PAPSS2: variants seen among roughly 807,000 people sequenced by gnomAD.
PAPSS2 encodes the protein bifunctional 3'-phosphoadenosine 5'-phosphosulfate synthase 2.
In PAPSS2, 61 loss-of-function variants were observed where a neutral mutation model predicts 66.5. The observed-to-expected ratio is 0.92, with a 90% CI of 0.75 to 1.14. The LOEUF is 1.14. PAPSS2 is among the 50% of genes most tolerant of loss of function. PAPSS2 has a pLI of 0.00. For missense variants in PAPSS2, 708 were observed against 789.6 expected, an observed-to-expected ratio of 0.90 and a Z score of 1.24; for synonymous variants, 289 against 287.5, an observed-to-expected ratio of 1.01 and a Z score of -0.05.
At chr10:87,660,804 G>GAAAAAAAA (rs61018901) in intron 1 of PAPSS2, among the ~76,000 whole-genome samples, 2 of 114,106 alleles carry the variant, frequency 1.8e-5, no homozygotes, top group Non-Finnish European at 3.6e-5. Context: ...CCAATAAACT[G>GAAAAAAAA]AAAAAAAAAA....
intron 7 of PAPSS2, among the ~76,000 whole-genome samples, chr10:87,717,693 G>A (rs1853548825): frequency 6.6e-6 from 1 of 152,026 alleles, no homozygotes; most frequent in Admixed American, 6.6e-5. Flanking sequence ...CTCCTGGGTA[G>A]CTGGGACTAC....
chr10:87,682,237 C>A (rs529968159), intron 1 of PAPSS2, among the ~76,000 whole-genome samples: 1 of 152,146 alleles, frequency 6.6e-6, no homozygotes, highest in Non-Finnish European at 1.5e-5. Flanking sequence ...ATAGCCATGC[C>A]GGCTAGGCTA....
At chr10:87,680,667 G>T (rs570736581) in intron 1 of PAPSS2, among the ~76,000 whole-genome samples, 1 of 152,046 alleles carries the variant, frequency 6.6e-6, no homozygotes, top group Admixed American at 6.5e-5. Context: ...TTGTGTGATG[G>T]TATTTCAGGT....
chr10:87,746,141 A>C lies in PAPSS2; in HGVS notation c.*171A>C. On this transcript the variant is annotated 3_prime_UTR_variant, in exon 13 of 13. Transcript: ENST00000456849. Reference sequence around the variant, plus strand: ...AATATATATATATACACACACACATATACATACAAAGTCAAACTGAAGACC... The same window carrying C: ...AATATATATATATACACACACACATCTACATACAAAGTCAAACTGAAGACC... 2.0e-6 allele frequency: 1 copy of C among 505,178 alleles called. No homozygotes were observed. The highest frequency in any genetic ancestry group is 3.4e-6 in the Non-Finnish European group (1 of 296,748). The allele number at this position is 505,178 out of a possible 1,614,324, so 31.3% of individuals were successfully genotyped here. A position where few individuals can be genotyped will look rare whatever the true frequency, so the allele number is the denominator to read the frequency against.
At chr10:87,672,478 G>T (rs545810033) in intron 1 of PAPSS2, among the ~76,000 whole-genome samples, 1 of 152,152 alleles carries the variant, frequency 6.6e-6, no homozygotes, top group Non-Finnish European at 1.5e-5. Context: ...TACCCTTTTT[G>T]TGTGTGTTTA....
At position 87,715,801 on chromosome 10, in the gene PAPSS2, A is replaced by G; in HGVS notation, c.823A>G (p.Lys275Glu). The G allele has an allele frequency of 6.2e-7, 1 of 1,612,992 alleles. No individual in the cohort carries two copies. The highest frequency in any genetic ancestry group is 8.5e-7 in the Non-Finnish European group (1 of 1,179,050). Reference sequence around the variant, plus strand: ...TCCCCTCAAAGGTTTCATGCGGGAGAAGGAGTACTTACAGGTTATGCACTT... The same window carrying G: ...TCCCCTCAAAGGTTTCATGCGGGAGGAGGAGTACTTACAGGTTATGCACTT... ...ATPLKGFMRE[K>E]EYLQVMHFDT... The change falls in exon 7 of 13, where the codon AAG becomes GAG. Residue 275 changes from lysine to glutamate, a missense_variant. Transcript: ENST00000456849.
At chr10:87,736,541 C>T (rs1473118974) in intron 9 of PAPSS2, among the ~76,000 whole-genome samples, 1 of 152,128 alleles carries the variant, frequency 6.6e-6, no homozygotes, top group Non-Finnish European at 1.5e-5. Flanking sequence ...ACTGGGATTA[C>T]AGGAGTGAGC....
intron 1 of PAPSS2, among the ~76,000 whole-genome samples, chr10:87,665,591 A>G (rs1852806366): frequency 6.6e-6 from 1 of 152,142 alleles, no homozygotes; most frequent in African/African-American, 2.4e-5. Flanking sequence ...TGTGAATACA[A>G]CTTCCCAGGG....
intron 9 of PAPSS2, among the ~76,000 whole-genome samples, chr10:87,732,723 A>G (rs1345336081): frequency 6.6e-6 from 1 of 152,086 alleles, no homozygotes; most frequent in Non-Finnish European, 1.5e-5. Flanking sequence ...GTATGCCTGT[A>G]TTTTTTTCAT....
Position 87,714,973 on chromosome 10 carries a change from G to C in PAPSS2, c.640-12G>C, listed in dbSNP as rs1214294985. 2 of 1,553,790 alleles carry C rather than the reference G, an allele frequency of 1.3e-6. No individual in the cohort carries two copies. Among genetic ancestry groups the C allele is most frequent in the Non-Finnish European group, 8.9e-7 (1 of 1,125,192 alleles). Reference sequence around the variant, plus strand: ...CAGTTTTCAAGTTTTTACCAATGCTGTTTCATTTCAGAACATTGTACCCTA... The same window carrying C: ...CAGTTTTCAAGTTTTTACCAATGCTCTTTCATTTCAGAACATTGTACCCTA... On this transcript the variant is annotated splice_polypyrimidine_tract_variant and intron_variant, in intron 5 of 12. Transcript: ENST00000456849.
intron 1 of PAPSS2, among the ~76,000 whole-genome samples, chr10:87,670,359 T>C (rs1397742358): frequency 4.6e-5 from 7 of 152,224 alleles, no homozygotes; most frequent in African/African-American, 1.7e-4. Context: ...CGCTTAAGGA[T>C]GTTGTCAACC....
At chr10:87,691,622 G>A (rs1284494925) in intron 1 of PAPSS2, among the ~76,000 whole-genome samples, 2 of 152,238 alleles carry the variant, frequency 1.3e-5, no homozygotes, top group East Asian at 3.9e-4. Flanking sequence ...TCTTAAATTA[G>A]GTAAGTTTGG....
intron 1 of PAPSS2, among the ~76,000 whole-genome samples, chr10:87,695,715 G>A (rs895605994): frequency 6.6e-6 from 1 of 152,200 alleles, no homozygotes; most frequent in Non-Finnish European, 1.5e-5. Context: ...AACAGGATGT[G>A]CGGATACATA....
chr10:87,696,286 C>T (rs1853233710), intron 1 of PAPSS2, among the ~76,000 whole-genome samples: 1 of 152,198 alleles, frequency 6.6e-6, no homozygotes, highest in South Asian at 2.1e-4. Context: ...ATTTGCCCTT[C>T]TGTGGAGTTT....
rs1853943040 is a variant in PAPSS2 at position 87,746,533 on chromosome 10, C to T, written c.*563C>T. On this transcript the variant is annotated 3_prime_UTR_variant, in exon 13 of 13. Transcript: ENST00000456849. Reference sequence around the variant, plus strand: ...CATATCTTACGTGTTGAAGACCTGACTGGAGAAACAAAATGTGCAATAACG... The same window carrying T: ...CATATCTTACGTGTTGAAGACCTGATTGGAGAAACAAAATGTGCAATAACG... 1 of 152,126 alleles carries T rather than the reference C, an allele frequency of 6.6e-6. No homozygotes were observed. Among genetic ancestry groups the T allele is most frequent in the African/African-American group, 2.4e-5 (1 of 41,298 alleles). The allele number at this position is 152,126 out of a possible 1,614,324, so 9.4% of individuals were successfully genotyped here. A position where few individuals can be genotyped will look rare whatever the true frequency, so the allele number is the denominator to read the frequency against.
At chr10:87,742,194 C>T (rs558113956) in intron 10 of PAPSS2, among the ~76,000 whole-genome samples, 1 of 152,310 alleles carries the variant, frequency 6.6e-6, no homozygotes, top group Admixed American at 6.5e-5. Context: ...TTAAAATATT[C>T]ACTGATAGAG....
chr10:87,699,298 A>AT (rs1482484089), intron 1 of PAPSS2, among the ~76,000 whole-genome samples: 2 of 152,044 alleles, frequency 1.3e-5, no homozygotes, highest in Admixed American at 1.3e-4. Flanking sequence ...TAACATATAT[A>AT]TTTTTTTGCA....
Position 87,714,175 on chromosome 10 carries a change from G to A in PAPSS2, c.513G>A (p.Glu171=), listed in dbSNP as rs1387154070. 6.2e-7 allele frequency: 1 copy of A among 1,613,220 alleles called. No homozygotes were observed. Among genetic ancestry groups the A allele is most frequent in the Non-Finnish European group, 8.5e-7 (1 of 1,179,844 alleles). ...TCTATAAAAGGGCCAGAGCTGGGGA[G>A]ATTAAAGGTAAGAGAATTGGCTAGT... The part of the protein sequence containing the change: ...KGLYKRARAG[E]IKGFTGIDSD... The change falls in exon 4 of 13, where the codon GAG becomes GAA. Residue 171 remains glutamate (E), a synonymous_variant. Transcript: ENST00000456849.
chr10:87,688,115 A>G (rs913029063), intron 1 of PAPSS2, among the ~76,000 whole-genome samples: 1 of 152,146 alleles, frequency 6.6e-6, no homozygotes, highest in African/African-American at 2.4e-5. Context: ...TAAAGTAAAA[A>G]TTATTGTAGG....
Sources: allele counts gnomAD v4.1 joint callset (sites outside exome capture counted in the v4.1 genomes callset), GRCh38; gene constraint gnomAD v4.1.1; transcripts MANE v1.5; gene names NCBI Gene and HGNC (gene_info 2026-07-23, HGNC 2026-07-21).